Variants in TULP3 observed in about 807,000 individuals in gnomAD.
The protein encoded by TULP3 is TUB like protein 3, also known as tubby-related protein 3.
TULP3 carries 38 observed loss-of-function variants against 50.7 expected under a neutral mutation model. The observed-to-expected ratio is 0.75, with a 90% CI of 0.58 to 0.98. The LOEUF (loss-of-function observed/expected upper bound fraction) is 0.98, where lower values mean the gene tolerates loss of function less well. Among genes scored for constraint, TULP3 ranks in the 50% least tolerant of loss-of-function variants. The pLI is 0.00. For synonymous variants in TULP3, 183 were observed against 196.6 expected (o/e 0.93, Z 0.58); for missense variants, 550 against 568.0 (o/e 0.97, Z 0.32).
At position 2,931,029 on chromosome 12, in the gene TULP3, C is replaced by T. The variant is rs770320502; in HGVS notation, c.493-8C>T. The T allele has an allele frequency of 6.2e-6, 10 of 1,614,020 alleles. No individual in the cohort carries two copies. In the Admixed American group the frequency reaches 1.0e-4, roughly 16 times the overall value. ...CCTGTTGTTGCTCATGTATGGCTGTCCTTTCAGGATACAGGCACTTCCGGT... is the reference window on the plus strand; with the variant it reads ...CCTGTTGTTGCTCATGTATGGCTGTTCTTTCAGGATACAGGCACTTCCGGT... On this transcript the variant is annotated splice_polypyrimidine_tract_variant and splice_region_variant and intron_variant, in intron 5 of 10. Coordinates refer to ENST00000448120, the MANE Select transcript of TULP3 (RefSeq NM_003324.5).
intron 2 of TULP3, among the ~76,000 whole-genome samples, chr12:2,911,128 G>A (rs1226146880): frequency 1.3e-5 from 2 of 150,698 alleles, no homozygotes; most frequent in Non-Finnish European, 3.0e-5. Flanking sequence ...TTTTGTAATT[G>A]TATTCTTTTC....
At chr12:2,905,194 T>TTC (rs1227918646) in intron 1 of TULP3, among the ~76,000 whole-genome samples, 1 of 151,242 alleles carries the variant, frequency 6.6e-6, no homozygotes, top group African/African-American at 2.4e-5. Flanking sequence ...TATCTTTTTT[T>TTC]TTTTTCCTTT....
intron 1 of TULP3, 137 bp downstream of exon 1, chr12:2,891,125 CGGCGGG>C: frequency 9.9e-7 from 1 of 1,009,084 alleles, no homozygotes. Context: ...CTGGTTTCGG[CGGCGGG>C]AGGCGACCCC....
At position 2,928,062 on chromosome 12, in the gene TULP3, T is replaced by C. The variant is rs540248986; in HGVS notation, c.395-2186T>C. On this transcript the variant is annotated intron_variant, in intron 4 of 10. Transcript: ENST00000448120. ...TATATACTCCATGAACAAGAAACAATAGAAAACAAAAAGACTATCAGTATC... is the reference window on the plus strand; with the variant it reads ...TATATACTCCATGAACAAGAAACAACAGAAAACAAAAAGACTATCAGTATC... 5.9e-5 allele frequency among the ~76,000 whole-genome samples: 9 copies of C among 152,214 alleles called. No individual in the cohort carries two copies. The South Asian group carries it at 1.0e-3, about 18-fold the overall frequency.
chr12:2,919,041 C>T (rs184080713), intron 2 of TULP3, among the ~76,000 whole-genome samples: 15 of 152,204 alleles, frequency 9.9e-5, no homozygotes, highest in Admixed American at 9.8e-4. Flanking sequence ...TACAGGCATG[C>T]GCCATGACGC....
chr12:2,898,465 A>AGTAGTCCTTT (rs1189848438), intron 1 of TULP3, among the ~76,000 whole-genome samples: 1 of 152,252 alleles, frequency 6.6e-6, no homozygotes, highest in East Asian at 1.9e-4. Context: ...ACCCCTGGCC[A>AGTAGTCCTTT]GTAGTCCTTT....
At chr12:2,914,380 T>C (rs1303605494) in intron 2 of TULP3, among the ~76,000 whole-genome samples, 1 of 152,166 alleles carries the variant, frequency 6.6e-6, no homozygotes, top group East Asian at 1.9e-4. Flanking sequence ...CGCCTCAGCC[T>C]CCCAAAGTGC....
chr12:2,929,159 A>G (rs2098196355), intron 4 of TULP3, among the ~76,000 whole-genome samples: 1 of 151,906 alleles, frequency 6.6e-6, no homozygotes, highest in Admixed American at 6.6e-5. Context: ...TCTACTAAAA[A>G]TACAAAAATT....
At chr12:2,905,919 G>A (rs972581241) in intron 1 of TULP3, among the ~76,000 whole-genome samples, 5 of 151,756 alleles carry the variant, frequency 3.3e-5, no homozygotes, top group African/African-American at 4.8e-5. Flanking sequence ...GTGCAGATTT[G>A]TAGCAGCAGC....
At chr12:2,924,703 A>T (rs1348552223) in intron 4 of TULP3, among the ~76,000 whole-genome samples, 1 of 149,432 alleles carries the variant, frequency 6.7e-6, no homozygotes, top group Non-Finnish European at 1.5e-5. Flanking sequence ...AAAAAAAAAA[A>T]TTGGGTTGGG....
intron 3 of TULP3, among the ~76,000 whole-genome samples, chr12:2,921,445 CTGT>C (rs2153949594): frequency 6.6e-6 from 1 of 152,252 alleles, no homozygotes; most frequent in East Asian, 1.9e-4. Flanking sequence ...CCGGCAAGAA[CTGT>C]TGTTTTCTAG....
chr12:2,922,353 C>G lies in TULP3; in HGVS notation c.345C>G (p.Thr115=), dbSNP rs775538452. The G allele has an allele frequency of 9.9e-6, 16 of 1,614,058 alleles. No individual in the cohort carries two copies. Among genetic ancestry groups the G allele is most frequent in the South Asian group, 4.4e-5 (4 of 91,078 alleles). Residue 115 remains threonine (T), a synonymous_variant, in exon 4 of 11, where the codon ACC becomes ACG. Coordinates refer to ENST00000448120, the MANE Select transcript of TULP3 (RefSeq NM_003324.5). ...SSVVEEDAEN[T]VDTASKPGLQ... ...TTGTGGAAGAAGATGCTGAAAACAC[C>G]GTGGATACTGCTTCCAAGCCAGGAC...
chr12:2,931,690 A>G (rs2098198133), intron 6 of TULP3, among the ~76,000 whole-genome samples: 1 of 152,196 alleles, frequency 6.6e-6, no homozygotes, highest in African/African-American at 2.4e-5. Flanking sequence ...TTTATTTTAT[A>G]AGTTTGAGCC....
chr12:2,917,693 C>A (rs547646052), intron 2 of TULP3, among the ~76,000 whole-genome samples: 2 of 151,772 alleles, frequency 1.3e-5, no homozygotes, highest in East Asian at 3.9e-4. Flanking sequence ...CTGGCCAACA[C>A]GGTGAAACCT....
At position 2,934,108 on chromosome 12, in the gene TULP3, C is replaced by T. The variant is rs114526301; in HGVS notation, c.810-339C>T. Among the ~76,000 whole-genome samples the T allele has an allele frequency of 6.9e-3, 1,051 of 151,862 alleles. 16 individuals carry two copies. The highest frequency in any genetic ancestry group is 0.023 in the African/African-American group (966 of 41,402). On this transcript the variant is annotated intron_variant, in intron 7 of 10. Transcript: ENST00000448120. ...TCAAAAAACTTTAAAATTAGCCAGGCGTGGCAGTTCTCACCTGTAGCCCCA... is the reference window on the plus strand; with the variant it reads ...TCAAAAAACTTTAAAATTAGCCAGGTGTGGCAGTTCTCACCTGTAGCCCCA...
In TULP3 at chr12:2,939,434, C is replaced by T. The variant is rs750019336; in HGVS notation, c.1319C>T (p.Ala440Val). ...IGLSSFDSKL[A>V]CE is the part of the protein sequence containing the mutation. The stretch of plus-strand genomic sequence containing the variant: ...CTTTCTAGCTTTGACAGTAAGCTGG[C>T]GTGTGAATGAGAGAACAGTCAGGCA... The change falls in exon 11 of 11, where the codon GCG (alanine) becomes GTG (valine). Residue 440 changes from alanine to valine, a missense_variant. By Grantham distance (64) the Ala-to-Val change is moderately conservative. Coordinates refer to ENST00000448120, the MANE Select transcript of TULP3 (RefSeq NM_003324.5). This position sits in a 1 kb window ranked among gnomAD's most constrained non-coding sequence, Gnocchi z 4.0. The T allele has an allele frequency of 1.1e-5, 17 of 1,613,958 alleles. No homozygotes were observed. The highest frequency in any genetic ancestry group is 4.4e-5 in the South Asian group (4 of 91,078).
chr12:2,937,631 G>A lies in TULP3; in HGVS notation c.925G>A (p.Glu309Lys), dbSNP rs150642906. Residue 309 changes from glutamate to lysine, a missense_variant and splice_region_variant, in exon 9 of 11, where the codon GAA becomes AAA. Physicochemically the swap from Glu to Lys is moderately conservative, Grantham distance 56 (BLOSUM62 1). Coordinates refer to ENST00000448120, the MANE Select transcript of TULP3 (RefSeq NM_003324.5). ...TRQELAAISY[E>K]TNVLGFKGPR... is the part of the protein sequence containing the mutation. Reference sequence around the variant, plus strand: ...TCTGCTTTGTTTTCCTATCTTCCAGGAAACAAACGTACTTGGATTTAAAGG... The same window carrying A: ...TCTGCTTTGTTTTCCTATCTTCCAGAAAACAAACGTACTTGGATTTAAAGG... The A allele has an allele frequency of 6.2e-7, 1 of 1,607,758 alleles. No homozygotes were observed. The highest frequency in any genetic ancestry group is 1.7e-4 in the Middle Eastern group (1 of 6,056).
Position 2,940,303 on chromosome 12 carries a change from T to C in TULP3, c.*859T>C. The C allele has an allele frequency of 6.9e-7, 1 of 1,445,852 alleles. No individual in the cohort carries two copies. The highest frequency in any genetic ancestry group is 9.1e-7 in the Non-Finnish European group (1 of 1,097,052). The allele number at this position is 1,445,852 out of a possible 1,614,324, so 89.6% of individuals were successfully genotyped here. A position where few individuals can be genotyped will look rare whatever the true frequency, so the allele number is the denominator to read the frequency against. On this transcript the variant is annotated 3_prime_UTR_variant, in exon 11 of 11. Transcript: ENST00000448120. ...GTCATTATCAAGAGAGATGGCAGTA[T>C]TGACCATTTAGTTTAGTTAAAAAAA...
chr12:2,893,442 T>C (rs2098173500), intron 1 of TULP3, among the ~76,000 whole-genome samples: 1 of 149,980 alleles, frequency 6.7e-6, no homozygotes, highest in Admixed American at 6.7e-5. Context: ...AGCCTCAGCC[T>C]CCTGAGTAGC....
Sources: allele counts gnomAD v4.1 joint callset (sites outside exome capture counted in the v4.1 genomes callset), GRCh38; gene constraint gnomAD v4.1.1; non-coding constraint Gnocchi (gnomAD v3.1); transcripts MANE v1.5; gene names NCBI Gene and HGNC (gene_info 2026-07-23, HGNC 2026-07-21).